ZFHX3: variants seen among roughly 807,000 people sequenced by gnomAD.
ZFHX3 encodes zinc finger homeobox protein 3.
ZFHX3 carries 42 observed loss-of-function variants against 279.1 expected under a neutral mutation model. The observed-to-expected ratio is 0.15, with a 90% CI of 0.12 to 0.19. ZFHX3 has a LOEUF of 0.19. Ranked by LOEUF, ZFHX3 falls within the 10% of genes least tolerant of loss-of-function variation. The pLI is 1.00. For missense variants in ZFHX3, 4,981 were observed against 4,754.0 expected (o/e 1.05, Z -1.40); for synonymous variants, 2,293 against 1,957.8 (o/e 1.17, Z -4.52).
intron 4 of ZFHX3, among the ~76,000 whole-genome samples, chr16:72,839,862 G>T (rs2037301148): frequency 6.6e-6 from 1 of 152,140 alleles, no homozygotes; most frequent in South Asian, 2.1e-4. Flanking sequence ...TTTTTCAACA[G>T]AGCAGACCTG....
chr16:73,710,718 T>C (rs1048625145), intron 1 of ZFHX3, among the ~76,000 whole-genome samples: 1 of 152,108 alleles, frequency 6.6e-6, no homozygotes, highest in African/African-American at 2.4e-5. Context: ...AGCCGCTGTG[T>C]CCTGCTCAGT....
chr16:73,645,896 G>C (rs1400843508), intron 2 of ZFHX3, among the ~76,000 whole-genome samples: 1 of 152,140 alleles, frequency 6.6e-6, no homozygotes, highest in Non-Finnish European at 1.5e-5. Flanking sequence ...ACTGTACAGG[G>C]ACGACCATAT....
At chr16:73,429,900 T>G (rs2017882456) in intron 3 of ZFHX3, among the ~76,000 whole-genome samples, 1 of 152,040 alleles carries the variant, frequency 6.6e-6, no homozygotes, top group African/African-American at 2.4e-5. Flanking sequence ...TCTTTTCTGT[T>G]GGTTCGAGAC....
intron 2 of ZFHX3, among the ~76,000 whole-genome samples, chr16:73,480,814 G>T (rs1047451884): frequency 1.3e-5 from 2 of 152,104 alleles, no homozygotes; most frequent in African/African-American, 4.8e-5. Flanking sequence ...ACACACATTG[G>T]CCCTTATGGG....
chr16:73,064,075 C>T (rs146394547), upstream of ZFHX3, among the ~76,000 whole-genome samples: 7 of 152,172 alleles, frequency 4.6e-5, no homozygotes, highest in African/African-American at 7.2e-5. Context: ...GCATTTAGGA[C>T]GACAGCTCTT....
At chr16:73,753,714 C>T (rs2053780961) in intron 1 of ZFHX3, among the ~76,000 whole-genome samples, 1 of 152,160 alleles carries the variant, frequency 6.6e-6, no homozygotes, top group African/African-American at 2.4e-5. Flanking sequence ...GGGCTAAGCC[C>T]CAATTTTAGG....
intron 8 of ZFHX3, among the ~76,000 whole-genome samples, chr16:73,078,306 A>C (rs981547167): frequency 6.6e-6 from 1 of 152,184 alleles, no homozygotes; most frequent in Non-Finnish European, 1.5e-5. Flanking sequence ...GACAACCTCG[A>C]AGTCAAAGCC....
intron 2 of ZFHX3, among the ~76,000 whole-genome samples, chr16:73,472,944 T>C (rs899741772): frequency 6.6e-6 from 1 of 152,112 alleles, no homozygotes; most frequent in Non-Finnish European, 1.5e-5. Flanking sequence ...AATTGTCCCA[T>C]TATTAAACTC....
At chr16:73,297,880 G>T (rs1453767377) in intron 4 of ZFHX3, among the ~76,000 whole-genome samples, 2 of 151,836 alleles carry the variant, frequency 1.3e-5, no homozygotes, top group Non-Finnish European at 2.9e-5. Context: ...CACATAATGA[G>T]AACATAATTC....
intron 4 of ZFHX3, among the ~76,000 whole-genome samples, chr16:73,260,597 A>G (rs1341999317): frequency 6.8e-6 from 1 of 147,738 alleles, no homozygotes; most frequent in African/African-American, 2.5e-5. Context: ...GGAATGGGCC[A>G]TTTTCCATTG....
chr16:73,428,664 A>G (rs2017855749), intron 3 of ZFHX3, among the ~76,000 whole-genome samples: 1 of 151,366 alleles, frequency 6.6e-6, no homozygotes, highest in African/African-American at 2.4e-5. Flanking sequence ...CCTCCCCACC[A>G]TAAATAAATT....
chr16:73,242,158 G>A (rs898429695), intron 5 of ZFHX3, among the ~76,000 whole-genome samples: 1 of 152,124 alleles, frequency 6.6e-6, no homozygotes, highest in African/African-American at 2.4e-5. Flanking sequence ...ACCTGCTCTG[G>A]GTCAACTTCC....
At chr16:73,731,543 A>C (rs1189222004) in intron 1 of ZFHX3, among the ~76,000 whole-genome samples, 1 of 152,176 alleles carries the variant, frequency 6.6e-6, no homozygotes, top group Non-Finnish European at 1.5e-5. Context: ...GATCGGAACA[A>C]AAAACACACA....
intron 2 of ZFHX3, chr16:73,486,795 A>G (rs754657489): frequency 2.2e-6 from 1 of 455,982 alleles, no homozygotes; most frequent in Non-Finnish European, 4.4e-6. Flanking sequence ...CTAAGAAAGA[A>G]TCCATCGTTC....
chr16:73,863,567 A>T (rs1374712348), intron 1 of ZFHX3, among the ~76,000 whole-genome samples: 1 of 152,226 alleles, frequency 6.6e-6, no homozygotes, highest in Non-Finnish European at 1.5e-5. Context: ...ACATACGGTG[A>T]TGGTGACCAT....
chr16:73,786,279 T>C (rs1203534525), intron 1 of ZFHX3, among the ~76,000 whole-genome samples: 1 of 152,236 alleles, frequency 6.6e-6, no homozygotes, highest in Non-Finnish European at 1.5e-5. Flanking sequence ...TTCTACTTTC[T>C]GCACTGCTTC....
intron 5 of ZFHX3, among the ~76,000 whole-genome samples, chr16:73,189,014 C>T (rs945610433): frequency 2.6e-5 from 4 of 151,976 alleles, no homozygotes; most frequent in African/African-American, 9.7e-5. Flanking sequence ...CAGGCGCAAG[C>T]TACCACGCCT....
intron 8 of ZFHX3, among the ~76,000 whole-genome samples, chr16:73,070,934 G>GCA (rs761907433): frequency 1.4e-5 from 1 of 69,242 alleles, no homozygotes; most frequent in African/African-American, 5.7e-5. Flanking sequence ...GCGCGCGCGC[G>GCA]CGCGCACACA....
intron 3 of ZFHX3, among the ~76,000 whole-genome samples, chr16:73,331,078 A>G (rs2015792488): frequency 6.6e-6 from 1 of 152,218 alleles, no homozygotes; most frequent in African/African-American, 2.4e-5. Context: ...ACAGTTCCAC[A>G]TGGCTAGGGA....
Sources: allele counts gnomAD v4.1 joint callset (sites outside exome capture counted in the v4.1 genomes callset), GRCh38; gene constraint gnomAD v4.1.1; transcripts MANE v1.5; gene names NCBI Gene and HGNC (gene_info 2026-07-23, HGNC 2026-07-21).